Variants in VANGL1 observed in about 807,000 individuals in gnomAD.
VANGL1 encodes vang-like protein 1.
In VANGL1, 18 loss-of-function variants were observed where a neutral mutation model predicts 48.4. The observed-to-expected ratio is 0.37, with a 90% confidence interval of 0.26 to 0.55. The LOEUF (loss-of-function observed/expected upper bound fraction) is 0.55. Ranked by LOEUF, VANGL1 falls within the 20% of genes least tolerant of loss-of-function variation. The pLI is 0.81. For synonymous variants in VANGL1, 257 were observed against 261.8 expected (o/e 0.98, Z 0.18); for missense variants, 667 against 675.8 (o/e 0.99, Z 0.14).
chr1:115,690,992 G>T lies in VANGL1; in HGVS notation c.1315-127G>T, dbSNP rs560333383. On this transcript the variant is annotated intron_variant, in intron 7 of 7. Coordinates refer to ENST00000355485, the MANE Select transcript of VANGL1 (RefSeq NM_138959.3). ...TGATGGGAATTGAGTGTGATGAGCT[G>T]GGCTCTGGTCTAAGCTGGTTTATTT... 5.7e-5 allele frequency: 74 copies of T among 1,298,802 alleles called. No homozygotes were observed. In the African/African-American group the frequency reaches 9.7e-4, roughly 17 times the overall value. The allele number at this position is 1,298,802 out of a possible 1,614,324, so 80.5% of individuals were successfully genotyped here.
intron 4 of VANGL1, among the ~76,000 whole-genome samples, chr1:115,668,609 A>G (rs945455248): frequency 2.6e-5 from 4 of 152,220 alleles, no homozygotes; most frequent in Non-Finnish European, 5.9e-5. Flanking sequence ...ATTTCTCACA[A>G]TTCTGCAGCA....
At chr1:115,665,381 G>A (rs1386594903) in intron 4 of VANGL1, among the ~76,000 whole-genome samples, 2 of 152,062 alleles carry the variant, frequency 1.3e-5, no homozygotes, top group Admixed American at 1.3e-4. Flanking sequence ...GGGCAGGGTA[G>A]GCACTTAGTT....
At position 115,695,256 on chromosome 1, in the gene VANGL1, A is replaced by G. The variant is rs1487485040; in HGVS notation, c.*3877A>G. 2 of 152,772 alleles carry G rather than the reference A, an allele frequency of 1.3e-5. No individual in the cohort carries two copies. The highest frequency in any genetic ancestry group is 1.3e-4 in the Admixed American group (2 of 15,300). The allele number at this position is 152,772 out of a possible 1,614,324, so 9.5% of individuals were successfully genotyped here. Reference sequence around the variant, plus strand: ...AATTGGGCTTTATTTTTAAAAAGTGATAGGTTACTTACAGTAGCACAGAAA... The same window carrying G: ...AATTGGGCTTTATTTTTAAAAAGTGGTAGGTTACTTACAGTAGCACAGAAA... On this transcript the variant is annotated 3_prime_UTR_variant, in exon 8 of 8. Coordinates refer to ENST00000355485, the MANE Select transcript of VANGL1 (RefSeq NM_138959.3).
intron 4 of VANGL1, among the ~76,000 whole-genome samples, chr1:115,681,810 G>A (rs17501047): frequency 0.065 from 9,829 of 152,044 alleles, 346 homozygotes; most frequent in East Asian, 0.13. Context: ...CGTGGCCAAG[G>A]CCCTCTTAAG....
chr1:115,651,830 C>T (rs766871403), intron 2 of VANGL1, among the ~76,000 whole-genome samples: 49 of 151,784 alleles, frequency 3.2e-4, no homozygotes, highest in Non-Finnish European at 6.8e-4. Flanking sequence ...CATCTCGGCT[C>T]ACTGCAAGCT....
At chr1:115,682,065 T>A (rs1357565249) in intron 4 of VANGL1, among the ~76,000 whole-genome samples, 1 of 152,252 alleles carries the variant, frequency 6.6e-6, no homozygotes, top group African/African-American at 2.4e-5. Flanking sequence ...AGTTCTTGTG[T>A]GCCTAAAGCT....
chr1:115,651,454 C>T lies in VANGL1; in HGVS notation c.41C>T (p.Ser14Leu), dbSNP rs1202230056. ...ACTTATTCTGGATATTCTTACTATT[C>T]AAGTCATTCGAAAAAATCTCACAGA... ...ESTYSGYSYY[S>L]SHSKKSHRQG... is the part of the protein sequence containing the mutation. Residue 14 changes from serine (S) to leucine (L), a missense_variant, in exon 2 of 8, where the codon TCA becomes TTA. By Grantham distance (145) the Ser-to-Leu change is moderately radical. Transcript: ENST00000355485. 2 of 1,613,948 alleles carry T rather than the reference C, an allele frequency of 1.2e-6. No homozygotes were observed. The highest frequency in any genetic ancestry group is 1.7e-6 in the Non-Finnish European group (2 of 1,180,008).
intron 4 of VANGL1, among the ~76,000 whole-genome samples, chr1:115,678,903 G>A (rs1005334482): frequency 8.0e-5 from 12 of 150,052 alleles, no homozygotes; most frequent in African/African-American, 2.2e-4. Flanking sequence ...GCAGTGAGCC[G>A]AGATTGCGCC....
rs1654067235 is a variant in VANGL1 at position 115,697,302 on chromosome 1, A to G, written c.*5923A>G. ...TTTCATTTACCAGCACCTCTCAGTT[A>G]TAGAGGTAATGGAACATTCGCTTAC... On this transcript the variant is annotated 3_prime_UTR_variant, in exon 8 of 8. Transcript: ENST00000355485. 1 of 152,240 alleles carries G rather than the reference A, an allele frequency of 6.6e-6. No individual in the cohort carries two copies. The highest frequency in any genetic ancestry group is 2.1e-4 in the South Asian group (1 of 4,834). The allele number at this position is 152,240 out of a possible 1,614,324, so 9.4% of individuals were successfully genotyped here.
rs1570745806 is a variant in VANGL1, at chr1:115,659,509, G to C, written c.72-132G>C. 15 of 363,872 alleles carry C rather than the reference G, an allele frequency of 4.1e-5. No homozygotes were observed. In the South Asian group the frequency reaches 1.3e-3, roughly 31 times the overall value. The allele number at this position is 363,872 out of a possible 1,614,324, so 22.5% of individuals were successfully genotyped here. A position where few individuals can be genotyped will look rare whatever the true frequency, so the allele number is the denominator to read the frequency against. On this transcript the variant is annotated intron_variant, in intron 2 of 7. Coordinates refer to ENST00000355485, the MANE Select transcript of VANGL1 (RefSeq NM_138959.3). Reference sequence around the variant, plus strand: ...AGATGGGTGGGTTTTGATGCTCTGTGTGTGTGTGTGTGTGTGTGTGTGTGT... The same window carrying C: ...AGATGGGTGGGTTTTGATGCTCTGTCTGTGTGTGTGTGTGTGTGTGTGTGT...
chr1:115,683,802 C>T (rs1290782938), intron 5 of VANGL1, 142 bp from the exon 6 acceptor site: 3 of 1,132,514 alleles, frequency 2.6e-6, no homozygotes, highest in South Asian at 2.7e-5. Context: ...GTTCACCCTC[C>T]TGGGAAGTGA....
chr1:115,648,277 C>T (rs1381462129), intron 1 of VANGL1, among the ~76,000 whole-genome samples: 2 of 152,130 alleles, frequency 1.3e-5, no homozygotes, highest in South Asian at 2.1e-4. Flanking sequence ...AAGGATGTTA[C>T]TTGGCTCATA....
chr1:115,674,326 T>C (rs1395771298), intron 4 of VANGL1, among the ~76,000 whole-genome samples: 1 of 152,226 alleles, frequency 6.6e-6, no homozygotes, highest in African/African-American at 2.4e-5. Context: ...GTTTGAGTGG[T>C]ACTCACCACT....
chr1:115,664,087 T>C lies in VANGL1; in HGVS notation c.631T>C (p.Ser211Pro), dbSNP rs775717716. 5.0e-6 allele frequency: 8 copies of C among 1,614,224 alleles called. No individual in the cohort carries two copies. The highest frequency in any genetic ancestry group is 1.1e-5 in the South Asian group (1 of 91,082). The change falls in exon 4 of 8, where the codon TCT (serine) becomes CCT (proline). Residue 211 changes from serine (S) to proline (P), a missense_variant. Ser to Pro is a moderately conservative substitution (Grantham distance 74). Transcript: ENST00000355485. Reference protein sequence around the residue: ...WLFYGVRILDSRDRNYQGIVQ... With the variant: ...WLFYGVRILDPRDRNYQGIVQ... The stretch of plus-strand genomic sequence containing the variant: ...TTTTTACGGGGTCCGCATTTTGGAC[T>C]CTCGGGACCGGAATTACCAGGGCAT...
At chr1:115,668,396 C>T (rs1439702258) in intron 4 of VANGL1, among the ~76,000 whole-genome samples, 2 of 152,204 alleles carry the variant, frequency 1.3e-5, no homozygotes, top group African/African-American at 4.8e-5. Context: ...GGCTTGCACT[C>T]TGAGGTCCAT....
intron 4 of VANGL1, 81 bp downstream of exon 4, chr1:115,664,349 G>A: frequency 6.5e-7 from 1 of 1,549,450 alleles, no homozygotes; most frequent in Non-Finnish European, 8.7e-7. Context: ...GTGAGGGGTG[G>A]TGACAGATGC....
intron 2 of VANGL1, among the ~76,000 whole-genome samples, chr1:115,656,208 C>T (rs79735326): frequency 0.053 from 8,110 of 152,260 alleles, 244 homozygotes; most frequent in East Asian, 0.11. Flanking sequence ...CTCCCAACTT[C>T]ATCCACTTCA....
At chr1:115,680,027 G>GT (rs1491432647) in intron 4 of VANGL1, among the ~76,000 whole-genome samples, 1,086 of 34,810 alleles carry the variant, frequency 0.031, 4 homozygotes, top group East Asian at 0.083. Flanking sequence ...GTGTGTATGT[G>GT]AGAGAGAGAG....
intron 4 of VANGL1, among the ~76,000 whole-genome samples, chr1:115,675,747 G>A (rs748152261): frequency 1.3e-5 from 2 of 152,080 alleles, no homozygotes; most frequent in Non-Finnish European, 2.9e-5. Context: ...GCTGAGATAC[G>A]CCACTGCACT....
Sources: gnomAD v4.1 joint callset for allele counts (sites outside exome capture counted in the v4.1 genomes callset) on GRCh38, gnomAD v4.1.1 for gene constraint, MANE v1.5 for transcripts, NCBI Gene and HGNC (gene_info 2026-07-23, HGNC 2026-07-21) for gene names.